Variants in MARCHF3 observed in about 807,000 individuals in gnomAD.
MARCHF3 encodes the protein E3 ubiquitin-protein ligase MARCHF3.
A neutral mutation model predicts 24.2 loss-of-function variants in MARCHF3; 13 were observed. The ratio of observed to expected loss-of-function variants is 0.54; its 90% CI spans 0.35 to 0.85. The LOEUF is 0.85. Among genes scored for constraint, MARCHF3 ranks in the 40% least tolerant of loss-of-function variants. The probability of loss-of-function intolerance (pLI) is 0.01; values close to 1 mark genes in which losing one functional copy is unlikely to be tolerated. For missense variants in MARCHF3, 276 were observed against 325.0 expected, an observed-to-expected ratio of 0.85 and a Z score of 1.16; for synonymous variants, 144 against 137.3, an observed-to-expected ratio of 1.05 and a Z score of -0.34.
intron 1 of MARCHF3, among the ~76,000 whole-genome samples, chr5:127,003,832 C>A (rs1752218565): frequency 6.6e-6 from 1 of 152,180 alleles, no homozygotes; most frequent in Non-Finnish European, 1.5e-5. Flanking sequence ...CAGTTGTGCA[C>A]AAATGTAATG....
chr5:126,967,961 T>C (rs564972414), intron 1 of MARCHF3, among the ~76,000 whole-genome samples: 2 of 152,224 alleles, frequency 1.3e-5, no homozygotes, highest in African/African-American at 2.4e-5. Context: ...CCACACCCAT[T>C]AGCAGTCACT....
intron 1 of MARCHF3, among the ~76,000 whole-genome samples, chr5:127,021,472 G>C (rs1752804272): frequency 1.3e-5 from 2 of 152,186 alleles, no homozygotes; most frequent in African/African-American, 2.4e-5. Flanking sequence ...TACAGTATTT[G>C]AGAAGCATTA....
chr5:126,917,915 A>G, intron 2 of MARCHF3, 69 bp downstream of exon 2: 1 of 1,508,124 alleles, frequency 6.6e-7, no homozygotes. Flanking sequence ...CATTCCCATT[A>G]GCATTTTCCA....
At chr5:126,971,494 T>C (rs966475588) in intron 1 of MARCHF3, among the ~76,000 whole-genome samples, 1 of 151,790 alleles carries the variant, frequency 6.6e-6, no homozygotes, top group Non-Finnish European at 1.5e-5. Flanking sequence ...TGTTCTATGT[T>C]GACCCTATCC....
At chr5:126,911,439 T>A (rs1754528625) in intron 3 of MARCHF3, among the ~76,000 whole-genome samples, 1 of 152,172 alleles carries the variant, frequency 6.6e-6, no homozygotes, top group Non-Finnish European at 1.5e-5. Flanking sequence ...TGGCCGACAC[T>A]TAGGGAAAAT....
chr5:127,009,025 G>T (rs1752400744), intron 1 of MARCHF3, among the ~76,000 whole-genome samples: 1 of 151,938 alleles, frequency 6.6e-6, no homozygotes, highest in South Asian at 2.1e-4. Flanking sequence ...TCTTTTTAAG[G>T]TACTAAGTTA....
intron 1 of MARCHF3, among the ~76,000 whole-genome samples, chr5:126,947,355 A>T (rs562790724): frequency 6.6e-6 from 1 of 152,336 alleles, no homozygotes; most frequent in Non-Finnish European, 1.5e-5. Flanking sequence ...AACCTCTTAA[A>T]CCCTTGATTC....
At position 126,945,088 on chromosome 5, in the gene MARCHF3, C is replaced by T. The variant is rs141630931; in HGVS notation, c.-56-26861G>A. ...ATAAGACAAAGATGATCCCCTCTAA[C>T]CCCTGTCATCAGAGATGACAAGAGA... On this transcript the variant is annotated intron_variant, in intron 1 of 4. Transcript: ENST00000308660. Among the ~76,000 whole-genome samples the T allele has an allele frequency of 1.6e-3, 239 of 152,320 alleles. 3 individuals carry two copies. The highest frequency in any genetic ancestry group is 7.5e-3 in the South Asian group (36 of 4,826).
chr5:126,974,968 T>G (rs1751144938), intron 1 of MARCHF3, among the ~76,000 whole-genome samples: 1 of 152,246 alleles, frequency 6.6e-6, no homozygotes, highest in Non-Finnish European at 1.5e-5. Context: ...AAAATTTATT[T>G]ATTTATTGAG....
At chr5:127,027,968 T>G (rs1442386759) in intron 1 of MARCHF3, among the ~76,000 whole-genome samples, 1 of 152,206 alleles carries the variant, frequency 6.6e-6, no homozygotes, top group Non-Finnish European at 1.5e-5. Flanking sequence ...AGAACTGAAT[T>G]TCTAAGAAAC....
At chr5:126,926,534 A>G (rs1048363688) in intron 1 of MARCHF3, among the ~76,000 whole-genome samples, 6 of 152,202 alleles carry the variant, frequency 3.9e-5, no homozygotes, top group Non-Finnish European at 5.9e-5. Context: ...CATATGCTAC[A>G]TAATACCAAA....
chr5:126,870,920 C>T, intron 4 of MARCHF3, 129 bp from the exon 5 acceptor site: 1 of 1,312,278 alleles, frequency 7.6e-7, no homozygotes, highest in Non-Finnish European at 1.0e-6. Context: ...GGGCAAGAAC[C>T]CTGGGAAAAT....
intron 1 of MARCHF3, among the ~76,000 whole-genome samples, chr5:126,959,381 C>G (rs1472645791): frequency 6.6e-6 from 1 of 152,090 alleles, no homozygotes; most frequent in African/African-American, 2.4e-5. Flanking sequence ...AATAGCTGAC[C>G]AGCATTTCTC....
chr5:126,986,790 C>CT (rs1751582098), intron 1 of MARCHF3, among the ~76,000 whole-genome samples: 1 of 152,082 alleles, frequency 6.6e-6, no homozygotes, highest in South Asian at 2.1e-4. Context: ...ACTGGGTTCT[C>CT]TTTAACAAAT....
chr5:126,909,871 T>C (rs1002647178), intron 3 of MARCHF3, among the ~76,000 whole-genome samples: 2 of 152,114 alleles, frequency 1.3e-5, no homozygotes, highest in Non-Finnish European at 2.9e-5. Context: ...AAAAGGTTAA[T>C]AAATAAAAAA....
At chr5:126,924,872 G>A (rs1749240392) in intron 1 of MARCHF3, among the ~76,000 whole-genome samples, 1 of 152,170 alleles carries the variant, frequency 6.6e-6, no homozygotes, top group Admixed American at 6.5e-5. Context: ...GCAGGGCTGT[G>A]CTTACAGACT....
At chr5:126,910,012 A>G (rs1228060517) in intron 3 of MARCHF3, among the ~76,000 whole-genome samples, 1 of 152,196 alleles carries the variant, frequency 6.6e-6, no homozygotes, top group East Asian at 1.9e-4. Context: ...CAGCTTTTAA[A>G]TTGTTCATAC....
chr5:126,980,528 G>A (rs559726206), intron 1 of MARCHF3, among the ~76,000 whole-genome samples: 4 of 152,072 alleles, frequency 2.6e-5, no homozygotes, highest in African/African-American at 9.6e-5. Context: ...GCACCACCAG[G>A]CTCGGCTAAT....
intron 1 of MARCHF3, among the ~76,000 whole-genome samples, chr5:127,025,027 A>G (rs1752949050): frequency 1.3e-5 from 2 of 152,256 alleles, no homozygotes; most frequent in Non-Finnish European, 2.9e-5. Context: ...CAATAAATAC[A>G]TCATTAGATC....
Sources: gnomAD v4.1 joint callset for allele counts (sites outside exome capture counted in the v4.1 genomes callset) on GRCh38, gnomAD v4.1.1 for gene constraint, MANE v1.5 for transcripts, NCBI Gene and HGNC (gene_info 2026-07-23, HGNC 2026-07-21) for gene names.